Variants in CNTNAP2 observed in about 807,000 individuals in gnomAD.
The protein encoded by CNTNAP2 is contactin-associated protein-like 2.
In CNTNAP2, 98 loss-of-function variants were observed where a neutral mutation model predicts 155.2. The ratio of observed to expected loss-of-function variants is 0.63; its 90% CI spans 0.54 to 0.75. CNTNAP2 has a LOEUF of 0.75. Among genes scored for constraint, CNTNAP2 ranks in the 30% least tolerant of loss-of-function variants. The pLI is 0.00. For missense variants in CNTNAP2, 1,727 were observed against 1,688.1 expected (o/e 1.02, Z -0.40); for synonymous variants, 651 against 631.2 (o/e 1.03, Z -0.47).
intron 21 of CNTNAP2, among the ~76,000 whole-genome samples, chr7:148,321,278 A>C (rs74444202): frequency 0.052 from 7,990 of 152,260 alleles, 411 homozygotes; most frequent in Admixed American, 0.14. Flanking sequence ...AATTCCAACC[A>C]ATGTGTTGAG....
At chr7:147,603,121 A>T (rs1279431950) in intron 12 of CNTNAP2, among the ~76,000 whole-genome samples, 1 of 151,126 alleles carries the variant, frequency 6.6e-6, no homozygotes. Flanking sequence ...AAGTGTTTCT[A>T]TTTCTCCACA....
At chr7:146,741,306 A>G (rs1801711915) in intron 1 of CNTNAP2, among the ~76,000 whole-genome samples, 1 of 152,012 alleles carries the variant, frequency 6.6e-6, no homozygotes, top group African/African-American at 2.4e-5. Context: ...CTGTGAAGGG[A>G]TGCTTGCTGG....
intron 1 of CNTNAP2, among the ~76,000 whole-genome samples, chr7:146,629,476 TTCTC>T (rs971997253): frequency 3.3e-5 from 5 of 152,136 alleles, no homozygotes; most frequent in African/African-American, 1.2e-4. Flanking sequence ...GTTGAATAGT[TTCTC>T]TAGGTGTCAA....
chr7:147,940,530 A>G (rs1800700813), intron 14 of CNTNAP2, among the ~76,000 whole-genome samples: 1 of 151,710 alleles, frequency 6.6e-6, no homozygotes, highest in Non-Finnish European at 1.5e-5. Context: ...TTTTTTAATT[A>G]TTTATTTATT....
At chr7:148,266,808 T>C (rs1796678688) in intron 20 of CNTNAP2, among the ~76,000 whole-genome samples, 1 of 152,082 alleles carries the variant, frequency 6.6e-6, no homozygotes, top group Non-Finnish European at 1.5e-5. Flanking sequence ...TGGAGAGCCG[T>C]TCATAAAGGA....
At chr7:147,044,284 A>G (rs985059232) in intron 4 of CNTNAP2, among the ~76,000 whole-genome samples, 3 of 152,120 alleles carry the variant, frequency 2.0e-5, no homozygotes, top group Admixed American at 1.3e-4. Flanking sequence ...GACATGTCAT[A>G]TATCTTAATT....
chr7:146,684,757 A>G (rs1563187677), intron 1 of CNTNAP2, among the ~76,000 whole-genome samples: 1 of 151,632 alleles, frequency 6.6e-6, no homozygotes, highest in Non-Finnish European at 1.5e-5. Context: ...CTTACTTCAC[A>G]AGTAAGAACA....
At chr7:146,928,425 T>A (rs1022944560) in intron 3 of CNTNAP2, among the ~76,000 whole-genome samples, 1 of 152,202 alleles carries the variant, frequency 6.6e-6, no homozygotes, top group African/African-American at 2.4e-5. Context: ...TTTATTTTAA[T>A]GATAAAATTT....
intron 1 of CNTNAP2, among the ~76,000 whole-genome samples, chr7:146,476,319 T>G (rs1457120671): frequency 6.6e-6 from 1 of 152,182 alleles, no homozygotes; most frequent in East Asian, 1.9e-4. Context: ...AGCAATTCCA[T>G]TTGATATCCA....
At chr7:146,819,519 C>A (rs993503540) in intron 2 of CNTNAP2, among the ~76,000 whole-genome samples, 1 of 152,100 alleles carries the variant, frequency 6.6e-6, no homozygotes, top group Non-Finnish European at 1.5e-5. Context: ...TAGACATTGG[C>A]ACGTCCCATC....
chr7:146,197,521 C>T (rs556338638), intron 1 of CNTNAP2, among the ~76,000 whole-genome samples: 25 of 152,154 alleles, frequency 1.6e-4, no homozygotes, highest in Non-Finnish European at 2.4e-4. Context: ...GATTTTTGTT[C>T]CATGATACTA....
chr7:146,325,494 C>T (rs915719231), intron 1 of CNTNAP2, among the ~76,000 whole-genome samples: 4 of 151,984 alleles, frequency 2.6e-5, no homozygotes, highest in African/African-American at 9.7e-5. Context: ...TTCCTTTTGT[C>T]CTGTTTTACA....
chr7:147,639,081 G>T (rs1354769053), intron 12 of CNTNAP2, 25 bp from the exon 13 acceptor site: 2 of 1,610,770 alleles, frequency 1.2e-6, no homozygotes, highest in Non-Finnish European at 1.7e-6. Flanking sequence ...ATGATCCAGG[G>T]TCCTGGTTGT....
intron 1 of CNTNAP2, among the ~76,000 whole-genome samples, chr7:146,716,099 TGG>T (rs1430517729): frequency 6.6e-6 from 1 of 151,636 alleles, no homozygotes; most frequent in East Asian, 1.9e-4. Flanking sequence ...TTTTGGCACA[TGG>T]GACTGGATAC....
intron 9 of CNTNAP2, among the ~76,000 whole-genome samples, chr7:147,333,814 A>G (rs770338133): frequency 2.0e-5 from 3 of 152,218 alleles, no homozygotes; most frequent in African/African-American, 4.8e-5. Context: ...TAGCAAATAG[A>G]AAATAGTAAA....
chr7:146,876,596 A>G (rs938231582), intron 3 of CNTNAP2, among the ~76,000 whole-genome samples: 3 of 152,046 alleles, frequency 2.0e-5, no homozygotes, highest in African/African-American at 7.3e-5. Flanking sequence ...AATCCATTCA[A>G]CAACCATTTA....
chr7:146,356,395 C>G (rs970372445), intron 1 of CNTNAP2, among the ~76,000 whole-genome samples: 4 of 152,098 alleles, frequency 2.6e-5, no homozygotes, highest in African/African-American at 9.7e-5. Flanking sequence ...TAATTAATAG[C>G]TTCAAGGTTT....
At chr7:148,382,873 C>CTT (rs1440848265) in intron 21 of CNTNAP2, among the ~76,000 whole-genome samples, 1 of 152,216 alleles carries the variant, frequency 6.6e-6, no homozygotes, top group Non-Finnish European at 1.5e-5. Context: ...GTTTCTAAAA[C>CTT]TTGGAACAGA....
At chr7:147,331,070 A>C (rs1359484285) in intron 9 of CNTNAP2, among the ~76,000 whole-genome samples, 1 of 152,152 alleles carries the variant, frequency 6.6e-6, no homozygotes, top group Non-Finnish European at 1.5e-5. Context: ...CTGAAGCATA[A>C]TCAGAGCCTA....
Sources: gnomAD v4.1 joint callset for allele counts (sites outside exome capture counted in the v4.1 genomes callset) on GRCh38, gnomAD v4.1.1 for gene constraint, MANE v1.5 for transcripts, NCBI Gene and HGNC (gene_info 2026-07-23, HGNC 2026-07-21) for gene names.